The following REV3L variants were observed in gnomAD, a reference collection of about 807,000 sequenced individuals.
REV3L encodes the protein REV3 like, DNA directed polymerase zeta catalytic subunit, also known as DNA polymerase zeta catalytic subunit.
A neutral mutation model predicts 299.4 loss-of-function variants in REV3L; 69 were observed. The ratio of observed to expected loss-of-function variants is 0.23; its 90% CI spans 0.19 to 0.28. The LOEUF (loss-of-function observed/expected upper bound fraction) is 0.28, where lower values mean the gene tolerates loss of function less well. REV3L is among the 10% of genes least tolerant of loss of function. The probability of loss-of-function intolerance (pLI) is 1.00; values close to 1 mark genes in which losing one functional copy is unlikely to be tolerated. For missense variants in REV3L, 3,128 were observed against 3,693.8 expected (o/e 0.85, Z 3.97); for synonymous variants, 1,238 against 1,271.4 (o/e 0.97, Z 0.56).
rs1201595513 is a variant in REV3L, at chr6:111,357,137, AC to A, written c.7073-13del. The A allele has an allele frequency of 8.2e-7, 1 of 1,220,478 alleles. No homozygotes were observed. Among genetic ancestry groups the A allele is most frequent in the Admixed American group, 2.0e-5 (1 of 49,632 alleles). The allele number at this position is 1,220,478 out of a possible 1,614,324, so 75.6% of individuals were successfully genotyped here. On this transcript the variant is annotated splice_polypyrimidine_tract_variant and intron_variant, in intron 17 of 31. Coordinates refer to ENST00000368802, the MANE Select transcript of REV3L (RefSeq NM_001372078.1). ...CTGATATCTGATATCTAAAAAACAA[AC>A]AAAATGTCTATTATATATAACATTA...
chr6:111,344,414 T>C (rs1776826508), intron 20 of REV3L, among the ~76,000 whole-genome samples: 1 of 152,212 alleles, frequency 6.6e-6, no homozygotes. Flanking sequence ...TTTTGGTTCT[T>C]GATGACATGC....
At chr6:111,302,436 A>G (rs890176178) in intron 31 of REV3L, among the ~76,000 whole-genome samples, 11 of 152,230 alleles carry the variant, frequency 7.2e-5, no homozygotes, top group African/African-American at 2.7e-4. Flanking sequence ...GTTTAGTTTC[A>G]AGATCCTTTA....
At position 111,389,123 on chromosome 6, in the gene REV3L, C is replaced by A; in HGVS notation, c.845G>T (p.Ser282Ile). 1.2e-6 allele frequency: 2 copies of A among 1,613,700 alleles called. No homozygotes were observed. The highest frequency in any genetic ancestry group is 2.7e-5 in the African/African-American group (2 of 75,022). The change falls in exon 7 of 32, where the codon AGC becomes ATC. Residue 282 changes from serine to isoleucine, a missense_variant. By Grantham distance (142) the Ser-to-Ile change is moderately radical. Around this residue, in one of 9 missense-constraint regions of REV3L, gnomAD observed 2,409 missense variants for 2,611.8 expected, o/e 0.92. Coordinates refer to ENST00000368802, the MANE Select transcript of REV3L (RefSeq NM_001372078.1). ...RRNRNETSQM[S>I]QPESQDHRFV... is the part of the protein sequence containing the mutation. ...GTTTATACCTTGTGACTCAGGTTGGCTCATTTGAGAAGTTTCATTTCTGTT... is the reference window on the plus strand; with the variant it reads ...GTTTATACCTTGTGACTCAGGTTGGATCATTTGAGAAGTTTCATTTCTGTT...
chr6:111,393,067 T>A, intron 4 of REV3L, 95 bp from the exon 5 acceptor site: 1 of 738,086 alleles, frequency 1.4e-6, no homozygotes, highest in Non-Finnish European at 2.3e-6. Context: ...AGATGGAGTC[T>A]CGCTTTGTTG....
At chr6:111,393,936 T>G (rs1018225722) in intron 4 of REV3L, among the ~76,000 whole-genome samples, 3 of 152,190 alleles carry the variant, frequency 2.0e-5, no homozygotes, top group Non-Finnish European at 2.9e-5. Flanking sequence ...TCTATCCATG[T>G]GGCTGCAAAT....
chr6:111,407,948 C>T (rs1276053666), intron 3 of REV3L, among the ~76,000 whole-genome samples: 1 of 151,874 alleles, frequency 6.6e-6, no homozygotes, highest in Non-Finnish European at 1.5e-5. Context: ...AACAAACAAA[C>T]AATGAATGGG....
intron 1 of REV3L, among the ~76,000 whole-genome samples, chr6:111,449,872 T>C (rs1383732720): frequency 2.0e-5 from 3 of 152,014 alleles, no homozygotes; most frequent in Non-Finnish European, 4.4e-5. Context: ...GAAAAAAATG[T>C]AGCAATAGAA....
At chr6:111,434,921 T>C (rs887243016) in intron 1 of REV3L, among the ~76,000 whole-genome samples, 14 of 152,178 alleles carry the variant, frequency 9.2e-5, no homozygotes, top group African/African-American at 2.9e-4. Context: ...AAAGTAACAA[T>C]TCTGGCTAAT....
Position 111,329,629 on chromosome 6 carries a change from C to T in REV3L, c.8144G>A (p.Arg2715Gln), listed in dbSNP as rs141338934. 9 of 1,614,116 alleles carry T rather than the reference C, an allele frequency of 5.6e-6. No homozygotes were observed. The highest frequency in any genetic ancestry group is 3.3e-5 in the South Asian group (3 of 91,084). The change falls in exon 25 of 32, where the codon CGA becomes CAA. Residue 2715 changes from arginine to glutamine, a missense_variant. Arg to Gln is a conservative substitution (Grantham distance 43, BLOSUM62 1). Transcript: ENST00000368802. ...KAYKQDRALS[R>Q]MLDARQLGLK... ...TCCCAACTGACGCGCATCAAGCATT[C>T]GTGACAGGGCTCTGTCTTGCTTGTA...
intron 10 of REV3L, among the ~76,000 whole-genome samples, chr6:111,380,783 C>T (rs1479495250): frequency 6.6e-6 from 1 of 152,230 alleles, no homozygotes; most frequent in African/African-American, 2.4e-5. Context: ...TGCACAGGGT[C>T]TTGGCCGTGG....
intron 31 of REV3L, among the ~76,000 whole-genome samples, 188 bp from the exon 32 acceptor site, chr6:111,300,344 T>C (rs1771347221): frequency 6.6e-6 from 1 of 152,204 alleles, no homozygotes; most frequent in African/African-American, 2.4e-5. Context: ...TTCTAAAGGA[T>C]ATTATTTTGT....
chr6:111,398,343 G>A (rs1015827199), intron 4 of REV3L, among the ~76,000 whole-genome samples: 5 of 151,528 alleles, frequency 3.3e-5, no homozygotes, highest in Admixed American at 6.6e-5. Context: ...AAATGAGGAT[G>A]TTAAAAAAAT....
intron 1 of REV3L, among the ~76,000 whole-genome samples, chr6:111,452,970 T>C (rs570953949): frequency 5.9e-4 from 90 of 152,214 alleles, no homozygotes; most frequent in African/African-American, 2.1e-3. Flanking sequence ...GCAGTCAAGA[T>C]AAAAGCAATG....
intron 20 of REV3L, among the ~76,000 whole-genome samples, chr6:111,347,450 CAG>C (rs977816140): frequency 4.0e-5 from 6 of 151,834 alleles, no homozygotes; most frequent in African/African-American, 1.5e-4. Context: ...CATTCTCAAG[CAG>C]AGTCATGTTG....
intron 1 of REV3L, among the ~76,000 whole-genome samples, chr6:111,472,672 G>A (rs1469408208): frequency 1.3e-5 from 2 of 151,468 alleles, no homozygotes; most frequent in Non-Finnish European, 2.9e-5. Flanking sequence ...TTCTGCTACA[G>A]AAAACAGTCC....
Position 111,367,165 on chromosome 6 carries a change from T to C in REV3L, c.6623A>G (p.Lys2208Arg), listed in dbSNP as rs2115029368. 6.2e-7 allele frequency: 1 copy of C among 1,609,810 alleles called. No individual in the cohort carries two copies. Among genetic ancestry groups the C allele is most frequent in the East Asian group, 2.2e-5 (1 of 44,850 alleles). Residue 2208 changes from lysine (K) to arginine (R), a missense_variant, in exon 14 of 32, where the codon AAA (lysine) becomes AGA (arginine). Lys to Arg is a conservative substitution (Grantham distance 26, BLOSUM62 2). This residue lies in a region of REV3L where 2,409 missense variants were observed against 2,611.8 expected (regional missense o/e 0.92). Transcript: ENST00000368802. Reference sequence around the variant, plus strand: ...TGCTTCAGGAAGCCTTTCCAGAAGTTTTCTCTGTATGATTGGTGTACTATG... The same window carrying C: ...TGCTTCAGGAAGCCTTTCCAGAAGTCTTCTCTGTATGATTGGTGTACTATG... The part of the protein sequence containing the change: ...CFHSTPIIQR[K>R]LLERLPEAPG...
At chr6:111,319,373 A>G (rs941327317) in intron 26 of REV3L, among the ~76,000 whole-genome samples, 9 of 152,084 alleles carry the variant, frequency 5.9e-5, no homozygotes, top group African/African-American at 2.2e-4. Context: ...AGGCAGGAGA[A>G]TGGCGTGAAC....
At chr6:111,351,220 C>T (rs1683509272) in intron 19 of REV3L, among the ~76,000 whole-genome samples, 1 of 151,884 alleles carries the variant, frequency 6.6e-6, no homozygotes, top group Admixed American at 6.6e-5. Flanking sequence ...CCCATCCTGT[C>T]CTTCTTAACC....
Position 111,478,292 on chromosome 6 carries a change from C to G in REV3L, c.139+4458G>C, listed in dbSNP as rs564263051. ...ACTGCATTTGACTTACGTTTACATG[C>G]CCATCATCTCTACTACATTGTGAGC... is the stretch of plus-strand genomic sequence containing the variant. On this transcript the variant is annotated intron_variant, in intron 1 of 31. Transcript: ENST00000368802. Among the ~76,000 whole-genome samples, 13 of 152,278 alleles carry G rather than the reference C, an allele frequency of 8.5e-5. No homozygotes were observed. In the South Asian group the frequency reaches 2.5e-3, roughly 29 times the overall value.
Sources: allele counts gnomAD v4.1 joint callset (sites outside exome capture counted in the v4.1 genomes callset), GRCh38; gene constraint gnomAD v4.1.1; regional missense constraint gnomAD v4.1.1; transcripts MANE v1.5; gene names NCBI Gene and HGNC (gene_info 2026-07-23, HGNC 2026-07-21).